Variants in SHANK2 observed in about 807,000 individuals in gnomAD.
The protein encoded by SHANK2 is SH3 and multiple ankyrin repeat domains protein 2.
Under a neutral mutation model 133.7 loss-of-function variants are expected in SHANK2, and 43 were observed. The ratio of observed to expected loss-of-function variants is 0.32; its 90% CI spans 0.25 to 0.41. The LOEUF (loss-of-function observed/expected upper bound fraction) is 0.41. Among genes scored for constraint, SHANK2 ranks in the 10% least tolerant of loss-of-function variants. The probability of loss-of-function intolerance (pLI) is 1.00; values close to 1 mark genes in which losing one functional copy is unlikely to be tolerated. For synonymous variants in SHANK2, 1,017 were observed against 952.8 expected (o/e 1.07, Z -1.24); for missense variants, 1,994 against 2,235.8 (o/e 0.89, Z 2.18).
chr11:71,195,029 G>A (rs1203164778), intron 2 of SHANK2, among the ~76,000 whole-genome samples: 6 of 152,218 alleles, frequency 3.9e-5, no homozygotes, highest in Non-Finnish European at 5.9e-5. Flanking sequence ...CACCTGACGC[G>A]TGTTGTATGT....
At chr11:71,158,171 AT>A (rs1952938851) in intron 2 of SHANK2, among the ~76,000 whole-genome samples, 1 of 152,192 alleles carries the variant, frequency 6.6e-6, no homozygotes, top group Non-Finnish European at 1.5e-5. Flanking sequence ...GGAAATCATT[AT>A]TTTCAGATAA....
intron 2 of SHANK2, among the ~76,000 whole-genome samples, chr11:71,152,653 G>A (rs1194901863): frequency 6.6e-6 from 1 of 152,156 alleles, no homozygotes; most frequent in East Asian, 1.9e-4. Context: ...CCAAACCATG[G>A]TGCAGAAGGG....
intron 11 of SHANK2, among the ~76,000 whole-genome samples, chr11:70,844,532 G>A (rs1555062643): frequency 3.3e-5 from 5 of 152,178 alleles, no homozygotes; most frequent in Non-Finnish European, 5.9e-5. Context: ...GCTCCACGCC[G>A]GGCACTGCCC....
intron 9 of SHANK2, among the ~76,000 whole-genome samples, chr11:71,063,340 T>C (rs1951010638): frequency 6.6e-6 from 1 of 152,236 alleles, no homozygotes; most frequent in Non-Finnish European, 1.5e-5. Context: ...AGGTTCCAGT[T>C]AGTTATTTTG....
chr11:70,780,122 T>C (rs546215972), intron 14 of SHANK2, among the ~76,000 whole-genome samples: 1 of 152,202 alleles, frequency 6.6e-6, no homozygotes, highest in Non-Finnish European at 1.5e-5. Context: ...TCCCTGGGGA[T>C]ACCATTTGAG....
rs946016467 is a variant in SHANK2 at position 70,569,327 on chromosome 11, G to A, written c.2062-66396C>T. On this transcript the variant is annotated intron_variant, in intron 17 of 25. Transcript: ENST00000601538. The surrounding 1 kb of genome is among the most constrained non-coding windows in gnomAD (Gnocchi z 5.1). The stretch of plus-strand genomic sequence containing the variant: ...GCTCGGGAGCGTCTGGGGTGATCCT[G>A]CTCATGCGCCTCATGGACGCATCTT... Among the ~76,000 whole-genome samples, 21 of 152,324 alleles carry A rather than the reference G, an allele frequency of 1.4e-4. No individual in the cohort carries two copies. Among genetic ancestry groups the A allele is most frequent in the African/African-American group, 5.1e-4 (21 of 41,578 alleles).
chr11:70,701,670 C>T (rs782629104), intron 14 of SHANK2, among the ~76,000 whole-genome samples: 4 of 152,134 alleles, frequency 2.6e-5, no homozygotes, highest in Non-Finnish European at 4.4e-5. Context: ...TCCCAAAGTG[C>T]TGGGATTACA....
intron 10 of SHANK2, among the ~76,000 whole-genome samples, chr11:70,918,404 G>C (rs1419418936): frequency 2.0e-5 from 3 of 152,234 alleles, no homozygotes; most frequent in Non-Finnish European, 4.4e-5. Context: ...CCCACTTGTA[G>C]TTTCATCATC....
At chr11:70,765,420 G>A (rs954856712) in intron 14 of SHANK2, among the ~76,000 whole-genome samples, 2 of 152,132 alleles carry the variant, frequency 1.3e-5, no homozygotes, top group Admixed American at 6.5e-5. Context: ...TGGTGCTGCC[G>A]GTGACCACCT....
intron 11 of SHANK2, among the ~76,000 whole-genome samples, chr11:70,894,476 C>CGCGCCTG (rs1418427052): frequency 6.6e-6 from 1 of 152,140 alleles, no homozygotes; most frequent in Non-Finnish European, 1.5e-5. Context: ...CGTGAGACAC[C>CGCGCCTG]GCGCCTGGCC....
chr11:70,604,647 T>C (rs1357152611), intron 17 of SHANK2: 2 of 152,416 alleles, frequency 1.3e-5, no homozygotes, highest in East Asian at 1.9e-4. Flanking sequence ...TCATACATGA[T>C]GCGTTGATAT....
chr11:71,088,674 G>A (rs945121519), intron 8 of SHANK2, among the ~76,000 whole-genome samples: 131 of 145,436 alleles, frequency 9.0e-4, no homozygotes, highest in African/African-American at 2.6e-3. Context: ...GAAATGTCTC[G>A]TGGGTGACTG....
chr11:70,629,178 A>G (rs2060944713), intron 17 of SHANK2, among the ~76,000 whole-genome samples: 1 of 152,126 alleles, frequency 6.6e-6, no homozygotes, highest in African/African-American at 2.4e-5. Context: ...CAGCACCGGA[A>G]GAGCCTGGCC....
chr11:71,167,329 G>A (rs1405215625), intron 2 of SHANK2, among the ~76,000 whole-genome samples: 15 of 151,934 alleles, frequency 9.9e-5, no homozygotes, highest in East Asian at 1.9e-4. Flanking sequence ...GGTGGTGGCC[G>A]GGCAGAGGGG....
At chr11:70,766,885 A>G (rs1314876260) in intron 14 of SHANK2, among the ~76,000 whole-genome samples, 2 of 152,242 alleles carry the variant, frequency 1.3e-5, no homozygotes, top group Non-Finnish European at 2.9e-5. Flanking sequence ...TTTAAACGGC[A>G]TAAGACGGGT....
chr11:71,190,552 G>T (rs1326985431), intron 2 of SHANK2, among the ~76,000 whole-genome samples: 1 of 152,176 alleles, frequency 6.6e-6, no homozygotes, highest in Non-Finnish European at 1.5e-5. Flanking sequence ...GATGGTTGAT[G>T]GGGAACAAGA....
intron 11 of SHANK2, among the ~76,000 whole-genome samples, chr11:70,861,079 CT>C (rs1949251835): frequency 6.6e-6 from 1 of 152,218 alleles, no homozygotes; most frequent in Non-Finnish European, 1.5e-5. Context: ...GACCTGCCCC[CT>C]CTGCAGGCAC....
intron 10 of SHANK2, among the ~76,000 whole-genome samples, chr11:70,915,238 T>G (rs1382088533): frequency 6.6e-6 from 1 of 152,138 alleles, no homozygotes; most frequent in Non-Finnish European, 1.5e-5. Context: ...TTGCTGCCAC[T>G]GGGAATCTCA....
At chr11:70,477,115 C>G (rs1182545629) in intron 25 of SHANK2, among the ~76,000 whole-genome samples, 3 of 152,154 alleles carry the variant, frequency 2.0e-5, no homozygotes, top group African/African-American at 7.2e-5. Flanking sequence ...GAGTGGCACA[C>G]ACGGGGTCAC....
Sources: gnomAD v4.1 joint callset for allele counts (sites outside exome capture counted in the v4.1 genomes callset) on GRCh38, gnomAD v4.1.1 for gene constraint, Gnocchi (gnomAD v3.1) non-coding constraint, MANE v1.5 for transcripts, NCBI Gene and HGNC (gene_info 2026-07-23, HGNC 2026-07-21) for gene names.